The following DNAJB14 variants were observed in gnomAD, a reference collection of about 807,000 sequenced individuals.
DNAJB14 encodes the protein dnaJ homolog subfamily B member 14.
DNAJB14 carries 22 observed loss-of-function variants against 48.4 expected under a neutral mutation model. The ratio of observed to expected loss-of-function variants is 0.45; its 90% CI spans 0.32 to 0.65. The LOEUF (loss-of-function observed/expected upper bound fraction) is 0.65, where lower values mean the gene tolerates loss of function less well. Ranked by LOEUF, DNAJB14 falls within the 30% of genes least tolerant of loss-of-function variation. The pLI is 0.03. For synonymous variants in DNAJB14, 142 were observed against 158.7 expected (o/e 0.89, Z 0.79); for missense variants, 319 against 458.8 (o/e 0.70, Z 2.78).
intron 3 of DNAJB14, among the ~76,000 whole-genome samples, chr4:99,909,750 A>T (rs1451357369): frequency 6.6e-6 from 1 of 152,006 alleles, no homozygotes; most frequent in African/African-American, 2.4e-5. Context: ...GAGTAAAAGT[A>T]GGTAAGCAAA....
intron 7 of DNAJB14, among the ~76,000 whole-genome samples, chr4:99,901,485 T>C (rs541072601): frequency 1.3e-5 from 2 of 152,232 alleles, no homozygotes; most frequent in South Asian, 4.1e-4. Flanking sequence ...AAAAATATTA[T>C]ATGCTTTTCA....
chr4:99,905,481 C>A, intron 6 of DNAJB14, 116 bp downstream of exon 6: 2 of 640,316 alleles, frequency 3.1e-6, no homozygotes, highest in Non-Finnish European at 5.4e-6. Flanking sequence ...AAATCTGGTA[C>A]ACTTGCAGTA....
At chr4:99,932,023 C>T (rs746172618) in intron 1 of DNAJB14, among the ~76,000 whole-genome samples, 1 of 151,920 alleles carries the variant, frequency 6.6e-6, no homozygotes, top group Admixed American at 6.6e-5. Context: ...AAAATTAACT[C>T]GGAATGGATC....
chr4:99,939,801 A>G (rs570121985), intron 1 of DNAJB14, among the ~76,000 whole-genome samples: 2 of 152,366 alleles, frequency 1.3e-5, no homozygotes, highest in South Asian at 2.1e-4. Flanking sequence ...GCCTAAGAAG[A>G]TGACTCAGTT....
At position 99,925,000 on chromosome 4, in the gene DNAJB14, C is replaced by A. The variant is rs1041054459; in HGVS notation, c.306-1815G>T. ...TAGAAATGTTACTATTTGTTATGGA[C>A]TGCTGCCCTAGACTCTAAGATGTAT... On this transcript the variant is annotated intron_variant, in intron 2 of 7. Coordinates refer to ENST00000442697, the MANE Select transcript of DNAJB14 (RefSeq NM_001031723.4). The A allele has an allele frequency of 8.5e-6, 5 of 590,420 alleles. No individual in the cohort carries two copies. In the Admixed American group the frequency reaches 1.5e-4, roughly 18 times the overall value. The allele number at this position is 590,420 out of a possible 1,614,324, so 36.6% of individuals were successfully genotyped here.
At chr4:99,937,054 C>G (rs764082986) in intron 1 of DNAJB14, among the ~76,000 whole-genome samples, 5 of 152,186 alleles carry the variant, frequency 3.3e-5, no homozygotes, top group Admixed American at 3.3e-4. Flanking sequence ...CAGTGGCTCA[C>G]GCCTGTAATC....
In DNAJB14 at chr4:99,899,739, A is replaced by C. The variant is rs1301535757; in HGVS notation, c.*1289T>G. 6.6e-6 allele frequency: 1 copy of C among 152,222 alleles called. No individual in the cohort carries two copies. Among genetic ancestry groups the C allele is most frequent in the Non-Finnish European group, 1.5e-5 (1 of 67,860 alleles). 9.4% of individuals were successfully genotyped at this position (152,222 alleles called of 1,614,324 possible). ...AAAATATTACAACTGCTAAACACAG[A>C]AGACTAGAAATCAAATAGTTTCATA... On this transcript the variant is annotated 3_prime_UTR_variant, in exon 8 of 8. Coordinates refer to ENST00000442697, the MANE Select transcript of DNAJB14 (RefSeq NM_001031723.4).
intron 1 of DNAJB14, among the ~76,000 whole-genome samples, chr4:99,938,012 C>G (rs1015213068): frequency 2.1e-5 from 3 of 145,330 alleles, no homozygotes; most frequent in Non-Finnish European, 4.5e-5. Flanking sequence ...AATCCCAACA[C>G]TTTGGGAGGC....
At position 99,945,691 on chromosome 4, in the gene DNAJB14, A is replaced by G. The variant is rs141552010; in HGVS notation, c.133+748T>C. 1.1e-3 allele frequency among the ~76,000 whole-genome samples: 173 copies of G among 152,348 alleles called. 1 individual carries two copies. The highest frequency in any genetic ancestry group is 4.1e-3 in the African/African-American group (171 of 41,592). ...AAATAATCCATGCAAAATGTTGGGC[A>G]CAACTATTGGCACTTTGTGCTCAAT... On this transcript the variant is annotated intron_variant, in intron 1 of 7. Coordinates refer to ENST00000442697, the MANE Select transcript of DNAJB14 (RefSeq NM_001031723.4).
chr4:99,944,626 T>G (rs373629515), intron 1 of DNAJB14, among the ~76,000 whole-genome samples: 6 of 151,054 alleles, frequency 4.0e-5, no homozygotes, highest in African/African-American at 1.2e-4. Context: ...CAGGCTGGAG[T>G]GCAGTGTTGC....
Sources: allele counts gnomAD v4.1 joint callset (sites outside exome capture counted in the v4.1 genomes callset), GRCh38; gene constraint gnomAD v4.1.1; transcripts MANE v1.5; gene names NCBI Gene and HGNC (gene_info 2026-07-23, HGNC 2026-07-21).